BAZ2B: variants seen among roughly 807,000 people sequenced by gnomAD.
BAZ2B encodes the protein bromodomain adjacent to zinc finger domain 2B, also known as bromodomain adjacent to zinc finger domain protein 2B.
In BAZ2B, 91 loss-of-function variants were observed where a neutral mutation model predicts 246.0. The ratio of observed to expected loss-of-function variants is 0.37; its 90% confidence interval spans 0.31 to 0.44. The LOEUF (loss-of-function observed/expected upper bound fraction) is 0.44. Among genes scored for constraint, BAZ2B ranks in the 20% least tolerant of loss-of-function variants. The pLI is 1.00. For synonymous variants in BAZ2B, 855 were observed against 860.0 expected (o/e 0.99, Z 0.10); for missense variants, 2,332 against 2,533.7 (o/e 0.92, Z 1.71).
intron 34 of BAZ2B, 49 bp from the exon 35 acceptor site, chr2:159,325,967 C>CGCCTGTAGTCCCAGCACTTTGGGAGGCCG: frequency 7.0e-7 from 1 of 1,430,230 alleles, no homozygotes; most frequent in Non-Finnish European, 9.4e-7. Flanking sequence ...TGACTGTCTA[C>CGCCTGTAGTCCCAGCACTTTGGGAGGCCG]AGACCTATTA....
chr2:159,639,963 C>T, the BAZ2B span, among the ~76,000 whole-genome samples: 12 of 151,876 alleles, frequency 7.9e-5, no homozygotes, highest in South Asian at 2.1e-4. Flanking sequence ...AGGAAACACA[C>T]TTCACCCATA....
intron 2 of BAZ2B, among the ~76,000 whole-genome samples, chr2:159,542,619 AG>A (rs1322768677): frequency 6.6e-6 from 1 of 152,156 alleles, no homozygotes; most frequent in African/African-American, 2.4e-5. Flanking sequence ...CCCAGGCAAG[AG>A]AGTAAGATCC....
At chr2:159,568,275 C>G (rs1022889478) in intron 1 of BAZ2B, among the ~76,000 whole-genome samples, 2 of 152,052 alleles carry the variant, frequency 1.3e-5, no homozygotes, top group African/African-American at 4.8e-5. Flanking sequence ...TAACATTCAA[C>G]AAAAACTTGA....
chr2:159,590,958 A>G (rs1040038226), intron 1 of BAZ2B, among the ~76,000 whole-genome samples: 4 of 152,230 alleles, frequency 2.6e-5, no homozygotes, highest in Admixed American at 2.0e-4. Context: ...ATAAACATAT[A>G]ACATTAAATA....
chr2:159,324,515 T>G (rs1308122316), intron 36 of BAZ2B, among the ~76,000 whole-genome samples: 1 of 152,046 alleles, frequency 6.6e-6, no homozygotes, highest in Admixed American at 6.6e-5. Context: ...TACCTTCAGC[T>G]TGGGTTTGTG....
chr2:159,475,267 C>T (rs956566093), intron 3 of BAZ2B, among the ~76,000 whole-genome samples: 4 of 152,064 alleles, frequency 2.6e-5, no homozygotes, highest in Non-Finnish European at 5.9e-5. Flanking sequence ...ATTGTTTTTT[C>T]TCTAATCTTG....
At chr2:159,679,504 T>C in the BAZ2B span, among the ~76,000 whole-genome samples, 2 of 152,108 alleles carry the variant, frequency 1.3e-5, no homozygotes, top group African/African-American at 4.8e-5. Context: ...TGATTATGAA[T>C]AAAATGGCCA....
At chr2:159,347,357 A>G (rs2149108195) in intron 31 of BAZ2B, 129 bp downstream of exon 31, 2 of 1,113,346 alleles carry the variant, frequency 1.8e-6, no homozygotes, top group Non-Finnish European at 2.6e-6. Context: ...TTAATCCAGG[A>G]TTGTTTTCAG....
chr2:159,510,884 A>G (rs933251410), intron 2 of BAZ2B, among the ~76,000 whole-genome samples: 2 of 152,136 alleles, frequency 1.3e-5, no homozygotes, highest in African/African-American at 4.8e-5. Flanking sequence ...TTAAGCAATT[A>G]ATCTTATGCT....
At position 159,412,509 on chromosome 2, in the gene BAZ2B, T is replaced by C. The variant is rs200503565; in HGVS notation, c.2503A>G (p.Ile835Val). 122 of 1,614,048 alleles carry C rather than the reference T, an allele frequency of 7.6e-5. 1 individual carries two copies. Among genetic ancestry groups the C allele is most frequent in the Middle Eastern group, 4.9e-4 (3 of 6,062 alleles). The change falls in exon 14 of 37, where the codon ATT becomes GTT. Residue 835 changes from isoleucine to valine, a missense_variant. Ile to Val is a conservative substitution (Grantham distance 29). Around this residue, in one of 9 missense-constraint regions of BAZ2B, gnomAD observed 651 missense variants for 650.9 expected, o/e 1.00. Transcript: ENST00000392783. Reference sequence around the variant, plus strand: ...CCTTCCATTGCCCTGATACGAGGAATGACATCCTCTTCTTTCAAAAGACAC... The same window carrying C: ...CCTTCCATTGCCCTGATACGAGGAACGACATCCTCTTCTTTCAAAAGACAC... Reference protein sequence around the residue: ...QWCLLKEEDVIPRIRAMEGRR... With the variant: ...QWCLLKEEDVVPRIRAMEGRR...
At chr2:159,631,940 T>A in the BAZ2B span, among the ~76,000 whole-genome samples, 2 of 152,180 alleles carry the variant, frequency 1.3e-5, no homozygotes, top group African/African-American at 4.8e-5. Context: ...ATAGATTTCA[T>A]TTTTAAAAAG....
At chr2:159,470,666 T>C (rs998019332) in intron 3 of BAZ2B, among the ~76,000 whole-genome samples, 1 of 152,106 alleles carries the variant, frequency 6.6e-6, no homozygotes, top group Non-Finnish European at 1.5e-5. Flanking sequence ...AAGCTTTATT[T>C]TGAAGGTAGA....
chr2:159,506,868 A>T (rs1043975747), intron 2 of BAZ2B, among the ~76,000 whole-genome samples: 6 of 152,194 alleles, frequency 3.9e-5, no homozygotes, highest in Non-Finnish European at 7.4e-5. Flanking sequence ...AAAGGAAAAG[A>T]GAAAGAGTAA....
chr2:159,336,860 G>A (rs2065761743), intron 33 of BAZ2B, 82 bp downstream of exon 33: 1 of 1,225,134 alleles, frequency 8.2e-7, no homozygotes, highest in Non-Finnish European at 1.1e-6. Context: ...AATAGGTAAT[G>A]TATAATTAAG....
chr2:159,570,913 G>A (rs1683843235), intron 1 of BAZ2B, among the ~76,000 whole-genome samples: 1 of 152,100 alleles, frequency 6.6e-6, no homozygotes, highest in Admixed American at 6.5e-5. Flanking sequence ...GAGTGCAGTG[G>A]CACAATCTCA....
chr2:159,648,362 T>A, the BAZ2B span, among the ~76,000 whole-genome samples: 1 of 152,204 alleles, frequency 6.6e-6, no homozygotes, highest in Non-Finnish European at 1.5e-5. Context: ...GGTCTCAAAC[T>A]CCTGACCTCA....
chr2:159,676,995 T>TA, the BAZ2B span, among the ~76,000 whole-genome samples: 8 of 133,588 alleles, frequency 6.0e-5, no homozygotes, highest in South Asian at 2.5e-4. Flanking sequence ...TATATATATA[T>TA]TACAATTTTT....
chr2:159,382,083 C>T (rs2062055558), intron 25 of BAZ2B, among the ~76,000 whole-genome samples: 1 of 152,156 alleles, frequency 6.6e-6, no homozygotes, highest in Non-Finnish European at 1.5e-5. Context: ...CTCAGTGAGA[C>T]TGTAAATTGA....
chr2:159,637,282 T>C, the BAZ2B span, among the ~76,000 whole-genome samples: 1 of 152,212 alleles, frequency 6.6e-6, no homozygotes, highest in Non-Finnish European at 1.5e-5. Flanking sequence ...ACAGAATTTC[T>C]GGACCTGCCC....
Sources: allele counts gnomAD v4.1 joint callset (sites outside exome capture counted in the v4.1 genomes callset), GRCh38; gene constraint gnomAD v4.1.1; regional missense constraint gnomAD v4.1.1; transcripts MANE v1.5; gene names NCBI Gene and HGNC (gene_info 2026-07-23, HGNC 2026-07-21).